The following TBCA variants were observed in gnomAD, a reference collection of about 807,000 sequenced individuals.
TBCA encodes the protein tubulin folding cofactor A.
A neutral mutation model predicts 15.8 loss-of-function variants in TBCA; 6 were observed. That is an observed-to-expected ratio of 0.38 (90% CI 0.21 to 0.75). The LOEUF (loss-of-function observed/expected upper bound fraction) is 0.75. TBCA is among the 30% of genes least tolerant of loss of function. The pLI, the probability that TBCA is intolerant of heterozygous loss-of-function variation, is 0.46. For synonymous variants in TBCA, 32 were observed against 42.3 expected, an observed-to-expected ratio of 0.76 and a Z score of 0.94; for missense variants, 90 against 131.2, an observed-to-expected ratio of 0.69 and a Z score of 1.53.
At chr5:77,765,879 G>A (rs1561285599) in intron 1 of TBCA, among the ~76,000 whole-genome samples, 1 of 48,188 alleles carries the variant, frequency 2.1e-5, no homozygotes, top group African/African-American at 6.0e-5. Flanking sequence ...AAAAACTAGG[G>A]CCAAAAAAAA....
chr5:77,758,061 AAAGG>A (rs1747517644), intron 1 of TBCA, among the ~76,000 whole-genome samples: 2 of 152,310 alleles, frequency 1.3e-5, no homozygotes, highest in East Asian at 3.9e-4. Flanking sequence ...TTAGAACAGG[AAAGG>A]AAAGTACACT....
intron 1 of TBCA, 93 bp downstream of exon 1, chr5:77,776,100 TTCGGAGCCCGCC>T (rs1302762766): frequency 4.9e-6 from 7 of 1,424,114 alleles, no homozygotes; most frequent in Non-Finnish European, 6.7e-6. Flanking sequence ...CGGCCTGGAG[TTCGGAGCCCGCC>T]TCGGGCCTCC....
chr5:77,737,843 C>T (rs1279401093), intron 1 of TBCA, among the ~76,000 whole-genome samples: 4 of 152,174 alleles, frequency 2.6e-5, no homozygotes, highest in African/African-American at 9.7e-5. Flanking sequence ...TTTACTGATA[C>T]ATCTTTCCTC....
chr5:77,716,550 T>C (rs1239170133), intron 1 of TBCA, among the ~76,000 whole-genome samples: 1 of 152,140 alleles, frequency 6.6e-6, no homozygotes, highest in Admixed American at 6.5e-5. Context: ...AAATGCCATA[T>C]ATATCATTTA....
At chr5:77,699,033 C>CAAAAAAAAAAAAAAAAAAAAAAAAAAAA (rs71608119) in intron 2 of TBCA, among the ~76,000 whole-genome samples, 1 of 70,100 alleles carries the variant, frequency 1.4e-5, no homozygotes, top group African/African-American at 6.4e-5. Context: ...GCAAGAGCAT[C>CAAAAAAAAAAAAAAAAAAAAAAAAAAAA]AAAAAAAAAA....
chr5:77,760,442 T>G (rs1747589718), intron 1 of TBCA, among the ~76,000 whole-genome samples: 2 of 152,106 alleles, frequency 1.3e-5, no homozygotes, highest in South Asian at 4.2e-4. Context: ...CTTTCTTTCT[T>G]TCGACAGTCT....
At chr5:77,728,676 AT>A (rs2112464845) in intron 1 of TBCA, among the ~76,000 whole-genome samples, 1 of 152,298 alleles carries the variant, frequency 6.6e-6, no homozygotes, top group South Asian at 2.1e-4. Context: ...AGCAAATTTT[AT>A]TTTTTATTTA....
intron 1 of TBCA, among the ~76,000 whole-genome samples, chr5:77,738,009 A>C (rs984971385): frequency 6.6e-6 from 1 of 152,204 alleles, no homozygotes; most frequent in African/African-American, 2.4e-5. Context: ...TTACCTTACC[A>C]ACAAGAAAAC....
chr5:77,703,687 T>C (rs984415615), intron 2 of TBCA, among the ~76,000 whole-genome samples: 13 of 152,078 alleles, frequency 8.5e-5, no homozygotes, highest in African/African-American at 2.9e-4. Context: ...GGTGATCCTC[T>C]TACCTCAGCC....
chr5:77,749,131 AT>A (rs1448232547), intron 1 of TBCA, among the ~76,000 whole-genome samples: 1 of 152,228 alleles, frequency 6.6e-6, no homozygotes, highest in Admixed American at 6.5e-5. Context: ...CAAGGTTTAC[AT>A]TATTGCACTA....
chr5:77,717,900 C>A (rs1460594265), intron 1 of TBCA, among the ~76,000 whole-genome samples: 1 of 151,904 alleles, frequency 6.6e-6, no homozygotes, highest in East Asian at 1.9e-4. Context: ...GAGGCTGAGG[C>A]CGGCAGATCA....
At chr5:77,711,361 G>A (rs145229165) in intron 1 of TBCA, among the ~76,000 whole-genome samples, 9 of 152,210 alleles carry the variant, frequency 5.9e-5, no homozygotes, top group African/African-American at 2.2e-4. Context: ...CCCCTGACTT[G>A]AAAGACTTCC....
At chr5:77,696,397 G>A (rs1458642283) in intron 2 of TBCA, among the ~76,000 whole-genome samples, 1 of 152,094 alleles carries the variant, frequency 6.6e-6, no homozygotes, top group Non-Finnish European at 1.5e-5. Context: ...ATTGCTAAAT[G>A]AGTAAGATTG....
intron 1 of TBCA, among the ~76,000 whole-genome samples, chr5:77,724,324 A>G (rs1746585482): frequency 6.6e-6 from 1 of 152,160 alleles, no homozygotes; most frequent in African/African-American, 2.4e-5. Flanking sequence ...GGACTTTAGT[A>G]ATATCTTCCA....
At chr5:77,730,230 T>C (rs1286841563) in intron 1 of TBCA, among the ~76,000 whole-genome samples, 2 of 152,178 alleles carry the variant, frequency 1.3e-5, no homozygotes, top group African/African-American at 4.8e-5. Flanking sequence ...TCATAATGAA[T>C]TGGGGTAGGC....
rs1745742629 is a variant in TBCA at position 77,691,236 on chromosome 5, A to C, written c.*182T>G. The C allele has an allele frequency of 5.0e-6, 3 of 602,162 alleles. No individual in the cohort carries two copies. Among genetic ancestry groups the C allele is most frequent in the Non-Finnish European group, 8.5e-6 (3 of 353,722 alleles). 37.3% of individuals were successfully genotyped at this position (602,162 alleles called of 1,614,324 possible). On this transcript the variant is annotated 3_prime_UTR_variant, in exon 4 of 4. Transcript: ENST00000380377. The stretch of plus-strand genomic sequence containing the variant: ...TAAAAATTTTGTAAAGTATAAAATA[A>C]ACAATTTTATTAGATGAACTCATTT...
Position 77,747,455 on chromosome 5 carries a change from A to G in TBCA, c.53+28750T>C, listed in dbSNP as rs192274263. ...ACTTTTAGAGCAGTTAGCGTTCCTA[A>G]AAAGTATTCTGGAAAATGCACTGTG... is the stretch of plus-strand genomic sequence containing the variant. On this transcript the variant is annotated intron_variant, in intron 1 of 3. Transcript: ENST00000380377. Among the ~76,000 whole-genome samples the G allele has an allele frequency of 2.6e-5, 4 of 152,266 alleles. No individual in the cohort carries two copies. The East Asian group carries it at 7.7e-4, about 29-fold the overall frequency.
At chr5:77,758,248 C>T (rs1264967323) in intron 1 of TBCA, among the ~76,000 whole-genome samples, 3 of 149,764 alleles carry the variant, frequency 2.0e-5, no homozygotes, top group Admixed American at 6.7e-5. Context: ...CAAAGACAGG[C>T]GGCCTGGCAC....
At chr5:77,771,537 C>T (rs556792975) in intron 1 of TBCA, among the ~76,000 whole-genome samples, 4 of 152,294 alleles carry the variant, frequency 2.6e-5, no homozygotes, top group Non-Finnish European at 4.4e-5. Context: ...CGTAAACCTC[C>T]GGCCTATTTT....
Sources: gnomAD v4.1 joint callset for allele counts (sites outside exome capture counted in the v4.1 genomes callset) on GRCh38, gnomAD v4.1.1 for gene constraint, MANE v1.5 for transcripts, NCBI Gene and HGNC (gene_info 2026-07-23, HGNC 2026-07-21) for gene names.